Variants in TTPA observed in about 807,000 individuals in gnomAD.
The protein encoded by TTPA is alpha tocopherol transfer protein, also known as alpha-tocopherol transfer protein.
Under a neutral mutation model 25.9 loss-of-function variants are expected in TTPA, and 23 were observed. The ratio of observed to expected loss-of-function variants is 0.89; its 90% CI spans 0.64 to 1.26. TTPA has a LOEUF of 1.26. TTPA is among the 50% of genes most tolerant of loss of function. The probability of loss-of-function intolerance (pLI) is 0.00; values close to 1 mark genes in which losing one functional copy is unlikely to be tolerated. For missense variants in TTPA, 337 were observed against 353.1 expected (o/e 0.95, Z 0.37); for synonymous variants, 148 against 137.3 (o/e 1.08, Z -0.54).
intron 2 of TTPA, among the ~76,000 whole-genome samples, chr8:63,067,694 T>C (rs1805416017): frequency 6.6e-6 from 1 of 152,130 alleles, no homozygotes; most frequent in Non-Finnish European, 1.5e-5. Flanking sequence ...AGGTTTCAGG[T>C]ATAAATGATC....
Position 63,061,435 on chromosome 8 carries a change from C to A in TTPA, c.664-10G>T. ...TCCCATGCATGTGAATCTGAAATAG[C>A]CAAAACACTTTAGAAGGAAACCGCA... On this transcript the variant is annotated splice_polypyrimidine_tract_variant and intron_variant, in intron 4 of 4. Coordinates refer to ENST00000260116, the MANE Select transcript of TTPA (RefSeq NM_000370.3). 1 of 1,613,672 alleles carries A rather than the reference C, an allele frequency of 6.2e-7. No individual in the cohort carries two copies. Among genetic ancestry groups the A allele is most frequent in the South Asian group, 1.1e-5 (1 of 91,054 alleles).
In TTPA at chr8:63,085,895, C is replaced by G. The variant is rs2129795947; in HGVS notation, c.127G>C (p.Ala43Pro). 1.3e-6 allele frequency: 2 copies of G among 1,529,926 alleles called. No individual in the cohort carries two copies. Among genetic ancestry groups the G allele is most frequent in the East Asian group, 2.5e-5 (1 of 40,166 alleles). The allele number at this position is 1,529,926 out of a possible 1,614,324, so 94.8% of individuals were successfully genotyped here. ...AAGGAGTCGGTGAGCGGCAGCGGCG[C>G]GAGCGGGACGCCAGCTTCCCGGGCC... ...RRAREAGVPL[A>P]PLPLTDSFLL... The change falls in exon 1 of 5, where the codon GCG becomes CCG. Residue 43 changes from alanine (A) to proline (P), a missense_variant. Ala to Pro is a conservative substitution (Grantham distance 27). Transcript: ENST00000260116.
Position 63,080,508 on chromosome 8 carries a change from T to C in TTPA, c.204+5310A>G, listed in dbSNP as rs201515264. Reference sequence around the variant, plus strand: ...AGGCCAAGGCAGGCGGATCACGACGTCGGGAGATCAAGACCATCCTAGCTA... The same window carrying C: ...AGGCCAAGGCAGGCGGATCACGACGCCGGGAGATCAAGACCATCCTAGCTA... On this transcript the variant is annotated intron_variant, in intron 1 of 4. Transcript: ENST00000260116. Among the ~76,000 whole-genome samples, 48 of 151,982 alleles carry C rather than the reference T, an allele frequency of 3.2e-4. No individual in the cohort carries two copies. In the East Asian group the frequency reaches 8.7e-3, roughly 28 times the overall value.
intron 2 of TTPA, among the ~76,000 whole-genome samples, chr8:63,068,874 G>A (rs888413257): frequency 1.3e-5 from 2 of 152,064 alleles, no homozygotes; most frequent in African/African-American, 4.8e-5. Flanking sequence ...CAGATTTCTG[G>A]CCGGGCATGG....
chr8:63,059,150 G>C (rs1022268395), downstream of TTPA, among the ~76,000 whole-genome samples: 4 of 141,946 alleles, frequency 2.8e-5, no homozygotes, highest in Non-Finnish European at 6.1e-5. Context: ...TCCTGCCTCA[G>C]CCTCCCAAGT....
intron 4 of TTPA, among the ~76,000 whole-genome samples, chr8:63,063,958 A>G (rs1367885617): frequency 6.6e-6 from 1 of 152,162 alleles, no homozygotes; most frequent in East Asian, 1.9e-4. Flanking sequence ...ACCATTAAGC[A>G]TTCCAACCAG....
intron 1 of TTPA, 47 bp downstream of exon 1, chr8:63,085,771 G>A (rs770318137): frequency 1.3e-6 from 2 of 1,523,396 alleles, no homozygotes; most frequent in African/African-American, 1.4e-5. Flanking sequence ...CGGGGGACGG[G>A]GCGGGTGAGG....
intron 1 of TTPA, among the ~76,000 whole-genome samples, chr8:63,076,906 C>G (rs1215939330): frequency 6.6e-6 from 1 of 151,806 alleles, no homozygotes; most frequent in Non-Finnish European, 1.5e-5. Context: ...TTACTCCTAA[C>G]ATAAAAACAA....
intron 2 of TTPA, among the ~76,000 whole-genome samples, chr8:63,072,451 C>T (rs1317116648): frequency 1.3e-5 from 2 of 152,036 alleles, no homozygotes; most frequent in Middle Eastern, 3.2e-3. Flanking sequence ...TTAGTAGAGA[C>T]GGGGTTTCAC....
In TTPA at chr8:63,065,992, T is replaced by G. The variant is rs768748858; in HGVS notation, c.464A>C (p.Lys155Thr). Residue 155 changes from lysine (K) to threonine (T), a missense_variant, in exon 3 of 5, where the codon AAG becomes ACG. Physicochemically the swap from Lys to Thr is moderately conservative, Grantham distance 78 (BLOSUM62 -1). Transcript: ENST00000260116. ...QEVETQRNGI[K>T]AIFDLEGWQF... ...CCAACCTTCCAGATCAAAGATAGCC[T>G]TGATTCCATTCCGCTGAGTTTCTAC... 4.3e-6 allele frequency: 7 copies of G among 1,613,998 alleles called. 1 individual carries two copies. Among genetic ancestry groups the G allele is most frequent in the Middle Eastern group, 3.3e-4 (2 of 6,082 alleles).
intron 1 of TTPA, 62 bp downstream of exon 1, chr8:63,085,756 T>C (rs1585698350): frequency 6.8e-7 from 1 of 1,463,756 alleles, no homozygotes; most frequent in African/African-American, 1.5e-5. Flanking sequence ...TCCGGGGTCG[T>C]GGGGCGGGGG....
chr8:63,072,901 G>C lies in TTPA; in HGVS notation c.358+34C>G, dbSNP rs373191737. 3.0e-5 allele frequency: 48 copies of C among 1,612,036 alleles called. No homozygotes were observed. In the African/African-American group the frequency reaches 6.3e-4, roughly 21 times the overall value. On this transcript the variant is annotated intron_variant, in intron 2 of 4. Coordinates refer to ENST00000260116, the MANE Select transcript of TTPA (RefSeq NM_000370.3). ...GAGGGAACACAACTGAACTGGAGGAGAGGAGAAAAAAAAAAGAGTTGTGTA... is the reference window on the plus strand; with the variant it reads ...GAGGGAACACAACTGAACTGGAGGACAGGAGAAAAAAAAAAGAGTTGTGTA...
Position 63,077,030 on chromosome 8 carries a change from T to C in TTPA, c.205-3942A>G, listed in dbSNP as rs79266236. 3.7e-3 allele frequency among the ~76,000 whole-genome samples: 562 copies of C among 151,920 alleles called. 3 individuals carry two copies. Among genetic ancestry groups the C allele is most frequent in the African/African-American group, 0.013 (543 of 41,424 alleles). On this transcript the variant is annotated intron_variant, in intron 1 of 4. Transcript: ENST00000260116. ...CAGAGGCAATCAAAGACTAATAAAATCAATTCATTTGATTACATTAAAATT... is the reference window on the plus strand; with the variant it reads ...CAGAGGCAATCAAAGACTAATAAAACCAATTCATTTGATTACATTAAAATT...
rs1805741075 is a variant in TTPA, at chr8:63,085,819, CGCCAG to C, written c.198_202del (p.Trp67ValfsTer7). ...AGCGCCCTGGGCACGCACGCTTACC[CGCCAG>C]GCCAGGTCCAGATCGAAATCCCGGG... On this transcript the variant is annotated frameshift_variant and splice_region_variant, in exon 1 of 5. Transcript: ENST00000260116. LOFTEE classifies it high-confidence loss of function. The C allele has an allele frequency of 6.5e-7, 1 of 1,535,530 alleles. No individual in the cohort carries two copies. The highest frequency in any genetic ancestry group is 1.4e-5 in the African/African-American group (1 of 72,590).
chr8:63,065,596 A>AT (rs1211124063), intron 3 of TTPA, among the ~76,000 whole-genome samples: 1 of 152,158 alleles, frequency 6.6e-6, no homozygotes, highest in Non-Finnish European at 1.5e-5. Context: ...GATATATTAT[A>AT]TTTTTTAATC....
intron 1 of TTPA, among the ~76,000 whole-genome samples, chr8:63,077,412 G>A (rs111564140): frequency 1.3e-4 from 20 of 152,334 alleles, no homozygotes; most frequent in African/African-American, 4.6e-4. Flanking sequence ...CTAGCCAAGG[G>A]AAGCCATGAC....
intron 2 of TTPA, among the ~76,000 whole-genome samples, chr8:63,070,662 C>T (rs751731971): frequency 2.6e-5 from 4 of 152,166 alleles, no homozygotes; most frequent in Non-Finnish European, 4.4e-5. Context: ...AGAAAAATAC[C>T]CCTACTGGTT....
intron 1 of TTPA, among the ~76,000 whole-genome samples, chr8:63,085,516 G>C (rs1805734634): frequency 1.3e-5 from 2 of 152,198 alleles, no homozygotes. Context: ...AAACTTTGTA[G>C]GTTCAGGAGA....
At position 63,066,023 on chromosome 8, in the gene TTPA, G is replaced by T. The variant is rs778952721; in HGVS notation, c.433C>A (p.Gln145Lys). ...CCATTCCGCTGAGTTTCTACCTCCT[G>T]TACAATAAGCTCGGATGTGATTAGA... ...VSLITSELIV[Q>K]EVETQRNGIK... The change falls in exon 3 of 5, where the codon CAG (glutamine) becomes AAG (lysine). Residue 145 changes from glutamine to lysine, a missense_variant. Coordinates refer to ENST00000260116, the MANE Select transcript of TTPA (RefSeq NM_000370.3). 6.8e-6 allele frequency: 11 copies of T among 1,613,950 alleles called. 1 individual carries two copies. In the South Asian group the frequency reaches 1.2e-4, roughly 18 times the overall value.
Sources: allele counts gnomAD v4.1 joint callset (sites outside exome capture counted in the v4.1 genomes callset), GRCh38; gene constraint gnomAD v4.1.1; transcripts MANE v1.5; gene names NCBI Gene and HGNC (gene_info 2026-07-23, HGNC 2026-07-21).